Variants in UBAC2 observed in about 807,000 individuals in gnomAD.
UBAC2 encodes ubiquitin-associated domain-containing protein 2.
In UBAC2, 26 loss-of-function variants were observed where a neutral mutation model predicts 44.0. The ratio of observed to expected loss-of-function variants is 0.59; its 90% confidence interval spans 0.43 to 0.82. UBAC2 has a LOEUF of 0.82. Among genes scored for constraint, UBAC2 ranks in the 40% least tolerant of loss-of-function variants. UBAC2 has a pLI of 0.00. For missense variants in UBAC2, 329 were observed against 419.4 expected (o/e 0.78, Z 1.88); for synonymous variants, 155 against 154.3 (o/e 1.00, Z -0.04).
chr13:99,351,788 C>G, intron 7 of UBAC2: 1 of 456,724 alleles, frequency 2.2e-6, no homozygotes, highest in South Asian at 1.5e-5. Context: ...GGCAGCAAAG[C>G]CCAGGAGTCC....
chr13:99,249,528 A>G (rs1051763233), intron 4 of UBAC2, among the ~76,000 whole-genome samples: 2 of 152,178 alleles, frequency 1.3e-5, no homozygotes, highest in African/African-American at 4.8e-5. Flanking sequence ...TTTTGGTAGA[A>G]TGATTTATTT....
intron 4 of UBAC2, among the ~76,000 whole-genome samples, chr13:99,293,294 TG>T (rs2044119490): frequency 6.6e-6 from 1 of 152,166 alleles, no homozygotes; most frequent in Non-Finnish European, 1.5e-5. Context: ...TCCTAAGAAT[TG>T]ACTCCCTTAG....
chr13:99,295,912 T>C lies in UBAC2; in HGVS notation c.390-18185T>C. The stretch of plus-strand genomic sequence containing the variant: ...GTGTAGGCAAAGCGGTGGTAAAAAG[T>C]ATATCAGAAATCACCAAATTTGTTG... On this transcript the variant is annotated intron_variant, in intron 4 of 8. Transcript: ENST00000403766. This position sits in a 1 kb window ranked among gnomAD's most constrained non-coding sequence, Gnocchi z 4.1. 1 of 1,613,604 alleles carries C rather than the reference T, an allele frequency of 6.2e-7. No homozygotes were observed. Among genetic ancestry groups the C allele is most frequent in the South Asian group, 1.1e-5 (1 of 91,052 alleles).
intron 6 of UBAC2, among the ~76,000 whole-genome samples, chr13:99,329,851 T>C (rs1470487173): frequency 1.3e-5 from 2 of 152,202 alleles, no homozygotes; most frequent in Non-Finnish European, 2.9e-5. Flanking sequence ...ACTCCCACAT[T>C]CCTGCCCCCA....
At chr13:99,302,441 C>A (rs1012416231) in intron 4 of UBAC2, among the ~76,000 whole-genome samples, 5 of 152,168 alleles carry the variant, frequency 3.3e-5, no homozygotes, top group African/African-American at 1.2e-4. Context: ...TGAGAACAAA[C>A]CTGCTCCAGG....
At chr13:99,384,304 C>A (rs2045590365) in intron 8 of UBAC2, among the ~76,000 whole-genome samples, 1 of 151,698 alleles carries the variant, frequency 6.6e-6, no homozygotes, top group Non-Finnish European at 1.5e-5. Context: ...GGTGTTACTG[C>A]AAGTGCAGTT....
At chr13:99,201,086 C>T (rs369102336) in intron 1 of UBAC2, 147 bp downstream of exon 1, 3 of 1,339,062 alleles carry the variant, frequency 2.2e-6, no homozygotes, top group East Asian at 2.8e-5. Flanking sequence ...TGCTAGTTCC[C>T]GGTCTTGGGG....
chr13:99,281,212 C>CAA (rs1233337462), intron 4 of UBAC2, among the ~76,000 whole-genome samples: 6 of 146,578 alleles, frequency 4.1e-5, no homozygotes, highest in Non-Finnish European at 9.0e-5. Flanking sequence ...CAAAACAAAA[C>CAA]AAAAAAAAAC....
At chr13:99,313,902 G>A (rs1335987632) in intron 4 of UBAC2, among the ~76,000 whole-genome samples, 195 bp from the exon 5 acceptor site, 1 of 152,186 alleles carries the variant, frequency 6.6e-6, no homozygotes. Flanking sequence ...AGGATAGAAT[G>A]ATTAGAGTTT....
At chr13:99,277,677 T>C (rs2043901903) in intron 4 of UBAC2, among the ~76,000 whole-genome samples, 1 of 152,246 alleles carries the variant, frequency 6.6e-6, no homozygotes, top group Non-Finnish European at 1.5e-5. Context: ...CATTTTACAT[T>C]GTGTCATCCT....
At chr13:99,311,258 G>T (rs939099357) in intron 4 of UBAC2, among the ~76,000 whole-genome samples, 1 of 152,178 alleles carries the variant, frequency 6.6e-6, no homozygotes, top group African/African-American at 2.4e-5. Flanking sequence ...CAGTCAGGAA[G>T]AGAGTAGAGA....
chr13:99,295,541 A>G lies in UBAC2; in HGVS notation c.390-18556A>G. On this transcript the variant is annotated intron_variant, in intron 4 of 8. Coordinates refer to ENST00000403766, the MANE Select transcript of UBAC2 (RefSeq NM_001144072.2). The surrounding 1 kb of genome is among the most constrained non-coding windows in gnomAD (Gnocchi z 4.1). The stretch of plus-strand genomic sequence containing the variant: ...TATAAGTGGAAGTACATATCCTATG[A>G]AACATGCCCCAAGCAGAATCCAGGG... 6.2e-7 allele frequency: 1 copy of G among 1,614,006 alleles called. No homozygotes were observed. Among genetic ancestry groups the G allele is most frequent in the South Asian group, 1.1e-5 (1 of 91,078 alleles).
At chr13:99,376,580 T>C (rs1651467439) in intron 8 of UBAC2, among the ~76,000 whole-genome samples, 1 of 152,224 alleles carries the variant, frequency 6.6e-6, no homozygotes, top group Admixed American at 6.5e-5. Context: ...TCAGGTTTCC[T>C]GTTACGGAAA....
intron 6 of UBAC2, among the ~76,000 whole-genome samples, chr13:99,324,431 G>A (rs913211758): frequency 6.6e-6 from 1 of 152,202 alleles, no homozygotes; most frequent in Non-Finnish European, 1.5e-5. Context: ...GGCCCGGAGA[G>A]GGGCAGCTCC....
intron 2 of UBAC2, among the ~76,000 whole-genome samples, chr13:99,242,951 A>T (rs1279230400): frequency 7.2e-6 from 1 of 138,498 alleles, no homozygotes; most frequent in African/African-American, 2.8e-5. Context: ...CCTAGATGGG[A>T]TGGCGGCCGG....
intron 6 of UBAC2, among the ~76,000 whole-genome samples, chr13:99,318,597 G>T (rs937108336): frequency 2.0e-5 from 3 of 151,132 alleles, no homozygotes; most frequent in Non-Finnish European, 3.0e-5. Context: ...GAGGCGGGCA[G>T]ATCATGAGGT....
At chr13:99,340,015 C>G (rs2044859721) in intron 6 of UBAC2, among the ~76,000 whole-genome samples, 1 of 152,160 alleles carries the variant, frequency 6.6e-6, no homozygotes, top group Non-Finnish European at 1.5e-5. Context: ...TCTTTTACGG[C>G]TTTTTAAAAA....
chr13:99,366,760 C>T (rs998751619), intron 7 of UBAC2, among the ~76,000 whole-genome samples: 1 of 152,156 alleles, frequency 6.6e-6, no homozygotes, highest in African/African-American at 2.4e-5. Context: ...GTGATAGAAC[C>T]CAAGTGGTCC....
intron 3 of UBAC2, 95 bp from the exon 4 acceptor site, chr13:99,244,420 T>C: frequency 1.2e-6 from 1 of 804,068 alleles, no homozygotes; most frequent in Admixed American, 2.1e-5. Context: ...CACATACATA[T>C]GAATACACAC....
Sources: allele counts gnomAD v4.1 joint callset (sites outside exome capture counted in the v4.1 genomes callset), GRCh38; gene constraint gnomAD v4.1.1; non-coding constraint Gnocchi (gnomAD v3.1); transcripts MANE v1.5; gene names NCBI Gene and HGNC (gene_info 2026-07-23, HGNC 2026-07-21).